The following SCP2 variants were observed in gnomAD, a reference collection of about 807,000 sequenced individuals.
SCP2 encodes the protein SCP-2/3-oxoacyl-CoA thiolase.
Under a neutral mutation model 71.4 loss-of-function variants are expected in SCP2, and 48 were observed. That is an observed-to-expected ratio of 0.67 (90% CI 0.53 to 0.86). The LOEUF is 0.86. SCP2 is among the 40% of genes least tolerant of loss of function. The probability of loss-of-function intolerance (pLI) is 0.00; values close to 1 mark genes in which losing one functional copy is unlikely to be tolerated. For missense variants in SCP2, 560 were observed against 655.6 expected (o/e 0.85, Z 1.59); for synonymous variants, 220 against 218.1 (o/e 1.01, Z -0.08).
chr1:52,930,584 C>G (rs1420437766), intron 1 of SCP2, among the ~76,000 whole-genome samples: 1 of 152,072 alleles, frequency 6.6e-6, no homozygotes, highest in Non-Finnish European at 1.5e-5. Context: ...CCTGTTTGAG[C>G]CACCACACTC....
intron 2 of SCP2, among the ~76,000 whole-genome samples, chr1:52,946,510 C>G (rs1423306966): frequency 6.6e-6 from 1 of 152,104 alleles, no homozygotes; most frequent in African/African-American, 2.4e-5. Context: ...AACCAAGATT[C>G]TTGCCAAATT....
At chr1:52,977,347 G>A (rs1367570526) in intron 8 of SCP2, among the ~76,000 whole-genome samples, 22 of 152,194 alleles carry the variant, frequency 1.4e-4, no homozygotes, top group Admixed American at 1.4e-3. Context: ...TGATATGAGG[G>A]TCTGCCCATT....
rs115751273 is a variant in SCP2 at position 53,030,188 on chromosome 1, G to A, written c.1338+2117G>A. Among the ~76,000 whole-genome samples, 564 of 152,044 alleles carry A rather than the reference G, an allele frequency of 3.7e-3. 10 individuals are homozygous for A. Among genetic ancestry groups the A allele is most frequent in the African/African-American group, 0.013 (544 of 41,466 alleles). ...CAGGCATGAGCCATCGTGCCCGGCC[G>A]TTTACCCTCATTTTTAATACATAGT... On this transcript the variant is annotated intron_variant, in intron 13 of 15. Transcript: ENST00000371514.
At chr1:52,980,174 T>C (rs1658357663) in intron 9 of SCP2, among the ~76,000 whole-genome samples, 1 of 151,934 alleles carries the variant, frequency 6.6e-6, no homozygotes, top group South Asian at 2.1e-4. Flanking sequence ...GGATCTTCCA[T>C]TGTTGCCCAG....
rs1261053889 is a variant in SCP2, at chr1:52,927,407, C to G, written c.11C>G (p.Ser4Cys). ...CGCACTGGTGCAGCCATGTCCTCTT[C>G]CCCGTGGGAGCCTGCGACCCTGCGC... MSSSPWEPATLRRV... is the reference protein window; with the variant it reads MSSCPWEPATLRRV... Residue 4 changes from serine to cysteine, a missense_variant, in exon 1 of 16, where the codon TCC (serine) becomes TGC (cysteine). Ser to Cys is a moderately radical substitution (Grantham distance 112). Transcript: ENST00000371514. 4.4e-6 allele frequency: 7 copies of G among 1,596,418 alleles called. No individual in the cohort carries two copies. Among genetic ancestry groups the G allele is most frequent in the Admixed American group, 1.8e-5 (1 of 57,136 alleles).
At chr1:52,929,157 A>G (rs1169526833) in intron 1 of SCP2, among the ~76,000 whole-genome samples, 1 of 149,824 alleles carries the variant, frequency 6.7e-6, no homozygotes, top group Non-Finnish European at 1.5e-5. Flanking sequence ...ACAGAGTTTG[A>G]TGGAGGAGGG....
intron 8 of SCP2, among the ~76,000 whole-genome samples, chr1:52,977,776 C>T (rs1658112125): frequency 6.6e-6 from 1 of 152,128 alleles, no homozygotes; most frequent in African/African-American, 2.4e-5. Flanking sequence ...ACCTGACCAA[C>T]ATGGAGAAAC....
chr1:52,995,832 T>A, intron 11 of SCP2: 1 of 1,067,350 alleles, frequency 9.4e-7, no homozygotes, highest in Non-Finnish European at 1.4e-6. Flanking sequence ...TTCAGGTGCA[T>A]CTTGGAGCAG....
At chr1:53,017,140 T>G (rs1490554508) in intron 12 of SCP2, among the ~76,000 whole-genome samples, 1 of 152,240 alleles carries the variant, frequency 6.6e-6, no homozygotes, top group Non-Finnish European at 1.5e-5. Flanking sequence ...AATAGGTATG[T>G]ATTCTATATT....
At chr1:52,969,970 T>G (rs1053870913) in intron 6 of SCP2, among the ~76,000 whole-genome samples, 2 of 152,224 alleles carry the variant, frequency 1.3e-5, no homozygotes, top group Non-Finnish European at 2.9e-5. Context: ...TGTCATTCAT[T>G]TATTCTTATT....
chr1:52,956,132 G>T (rs530971723), intron 5 of SCP2, among the ~76,000 whole-genome samples: 1 of 152,034 alleles, frequency 6.6e-6, no homozygotes, highest in Non-Finnish European at 1.5e-5. Context: ...GGCAAAACCC[G>T]TCTCTACTAA....
intron 1 of SCP2, among the ~76,000 whole-genome samples, chr1:52,939,469 C>G (rs1172905447): frequency 1.3e-5 from 2 of 152,010 alleles, no homozygotes; most frequent in African/African-American, 4.8e-5. Flanking sequence ...TTGCTTGAGC[C>G]CGGGAAGTTG....
At chr1:53,045,557 G>A (rs12088481) in intron 14 of SCP2, among the ~76,000 whole-genome samples, 8,407 of 152,094 alleles carry the variant, frequency 0.055, 268 homozygotes, top group Middle Eastern at 0.12. Flanking sequence ...TACTGGACAC[G>A]CACCCAGGGC....
At chr1:53,046,501 T>C (rs1246905592) in intron 14 of SCP2, among the ~76,000 whole-genome samples, 2 of 152,202 alleles carry the variant, frequency 1.3e-5, no homozygotes, top group East Asian at 3.8e-4. Context: ...CATTTGCTCA[T>C]TTTTATATTG....
chr1:53,041,856 G>C (rs945643464), intron 14 of SCP2, among the ~76,000 whole-genome samples: 3 of 152,190 alleles, frequency 2.0e-5, no homozygotes, highest in Non-Finnish European at 4.4e-5. Context: ...CTAGTAAGAA[G>C]GGGTGGATGG....
intron 11 of SCP2, among the ~76,000 whole-genome samples, chr1:53,005,510 G>T (rs952405534): frequency 1.3e-5 from 2 of 152,110 alleles, no homozygotes; most frequent in Admixed American, 6.5e-5. Context: ...AGGCAAACAG[G>T]GTCTGGAGTG....
chr1:53,044,190 T>A (rs542585983), intron 14 of SCP2, among the ~76,000 whole-genome samples: 26 of 152,244 alleles, frequency 1.7e-4, no homozygotes, highest in African/African-American at 6.0e-4. Flanking sequence ...GCCGAGTAGC[T>A]GGAATTACAG....
intron 11 of SCP2, among the ~76,000 whole-genome samples, chr1:52,988,605 T>G (rs1659197094): frequency 6.6e-6 from 1 of 151,880 alleles, no homozygotes; most frequent in Non-Finnish European, 1.5e-5. Flanking sequence ...AATGACAAAC[T>G]TGTACAATGT....
At chr1:52,957,631 T>C (rs1211588555) in intron 5 of SCP2, among the ~76,000 whole-genome samples, 1 of 152,270 alleles carries the variant, frequency 6.6e-6, no homozygotes, top group Non-Finnish European at 1.5e-5. Context: ...ACTGTGCCAC[T>C]GCACCCCAAC....
Sources: gnomAD v4.1 joint callset for allele counts (sites outside exome capture counted in the v4.1 genomes callset) on GRCh38, gnomAD v4.1.1 for gene constraint, MANE v1.5 for transcripts, NCBI Gene and HGNC (gene_info 2026-07-23, HGNC 2026-07-21) for gene names.